Variants in PRRG4 observed in about 807,000 individuals in gnomAD.
The protein encoded by PRRG4 is proline rich and Gla domain 4, also known as transmembrane gamma-carboxyglutamic acid protein 4.
A neutral mutation model predicts 20.0 loss-of-function variants in PRRG4; 12 were observed. The ratio of observed to expected loss-of-function variants is 0.60; its 90% CI spans 0.38 to 0.97. The LOEUF is 0.97. Among genes scored for constraint, PRRG4 ranks in the 50% least tolerant of loss-of-function variants. The probability of loss-of-function intolerance (pLI) is 0.00; values close to 1 mark genes in which losing one functional copy is unlikely to be tolerated. For missense variants in PRRG4, 199 were observed against 265.1 expected (o/e 0.75, Z 1.73); for synonymous variants, 94 against 96.4 (o/e 0.98, Z 0.15).
At chr11:32,832,621 C>T (rs1407651331) in intron 2 of PRRG4, among the ~76,000 whole-genome samples, 1 of 151,706 alleles carries the variant, frequency 6.6e-6, no homozygotes, top group East Asian at 1.9e-4. Flanking sequence ...GCTGGGATTA[C>T]AGGTGCGCAC....
At chr11:32,850,287 AC>A (rs1851170274) in intron 5 of PRRG4, among the ~76,000 whole-genome samples, 1 of 151,798 alleles carries the variant, frequency 6.6e-6, no homozygotes. Context: ...TTCACCTTTT[AC>A]CTTTTTTTTC....
intron 1 of PRRG4, 59 bp downstream of exon 1, chr11:32,830,232 C>A: frequency 9.4e-7 from 1 of 1,067,806 alleles, no homozygotes; most frequent in Non-Finnish European, 1.2e-6. Context: ...GGGGCCACCT[C>A]GGCGGACTGG....
upstream of PRRG4, chr11:32,829,825 C>A: frequency 5.1e-6 from 5 of 985,404 alleles, no homozygotes; most frequent in Non-Finnish European, 6.0e-6. Flanking sequence ...CGCGGGCTCC[C>A]GGGAGACGCC....
At position 32,830,618 on chromosome 11, in the gene PRRG4, A is replaced by T. The variant is rs773001062; in HGVS notation, c.89A>T (p.His30Leu). Reference protein sequence around the residue: ...HCARGPKASKHAGEEVFTSKE... With the variant: ...HCARGPKASKLAGEEVFTSKE... Reference sequence around the variant, plus strand: ...GCAAGAGGTCCAAAGGCTTCTAAGCATGCGGGAGAAGAAGGTAAGCACTAA... The same window carrying T: ...GCAAGAGGTCCAAAGGCTTCTAAGCTTGCGGGAGAAGAAGGTAAGCACTAA... The change falls in exon 2 of 6, where the codon CAT becomes CTT. Residue 30 changes from histidine (H) to leucine (L), a missense_variant. Coordinates refer to ENST00000257836, the MANE Select transcript of PRRG4 (RefSeq NM_024081.6). 1.9e-6 allele frequency: 3 copies of T among 1,613,834 alleles called. No individual in the cohort carries two copies. Among genetic ancestry groups the T allele is most frequent in the Non-Finnish European group, 2.5e-6 (3 of 1,179,970 alleles).
chr11:32,845,296 A>C (rs555964129), intron 5 of PRRG4, among the ~76,000 whole-genome samples: 21 of 152,272 alleles, frequency 1.4e-4, no homozygotes, highest in Middle Eastern at 3.4e-3. Flanking sequence ...AGGCAACTAC[A>C]TAACAAAAAA....
At chr11:32,845,988 C>T (rs983931378) in intron 5 of PRRG4, among the ~76,000 whole-genome samples, 5 of 151,958 alleles carry the variant, frequency 3.3e-5, no homozygotes, top group African/African-American at 1.2e-4. Context: ...AACCCCATCT[C>T]TACTAAAAAT....
Position 32,856,377 on chromosome 11 carries a change from G to A in PRRG4, c.*2850G>A, listed in dbSNP as rs898703437. 4 of 152,284 alleles carry A rather than the reference G, an allele frequency of 2.6e-5. No homozygotes were observed. Among genetic ancestry groups the A allele is most frequent in the Middle Eastern group, 3.4e-3 (1 of 294 alleles). 9.4% of individuals were successfully genotyped at this position (152,284 alleles called of 1,614,324 possible). On this transcript the variant is annotated 3_prime_UTR_variant, in exon 6 of 6. Transcript: ENST00000257836. ...TTGTGATATTTATAGAGCATCCAATGTGGAGATCATGATACTTTAAATATA... is the reference window on the plus strand; with the variant it reads ...TTGTGATATTTATAGAGCATCCAATATGGAGATCATGATACTTTAAATATA...
chr11:32,844,728 T>C (rs1024316357), intron 5 of PRRG4, among the ~76,000 whole-genome samples: 7 of 152,222 alleles, frequency 4.6e-5, no homozygotes, highest in Admixed American at 3.3e-4. Context: ...CTTGAACTCC[T>C]GACCTCAAGT....
At chr11:32,843,824 A>G (rs1239694422) in intron 5 of PRRG4, among the ~76,000 whole-genome samples, 1 of 151,370 alleles carries the variant, frequency 6.6e-6, no homozygotes, top group Non-Finnish European at 1.5e-5. Context: ...AGCAACCACT[A>G]TTTTACCTTT....
intron 5 of PRRG4, among the ~76,000 whole-genome samples, chr11:32,844,267 C>T (rs1056504409): frequency 3.9e-5 from 6 of 152,202 alleles, no homozygotes; most frequent in African/African-American, 1.4e-4. Flanking sequence ...ATCTGAGCCA[C>T]CACACTACAT....
intron 3 of PRRG4, among the ~76,000 whole-genome samples, chr11:32,837,541 GATTATT>G (rs35934196): frequency 0.085 from 8,064 of 95,234 alleles, 282 homozygotes; most frequent in Middle Eastern, 0.1. Flanking sequence ...TGATGATGAT[GATTATT>G]ATTATTATTA....
intron 2 of PRRG4, among the ~76,000 whole-genome samples, chr11:32,833,381 C>G (rs1306053601): frequency 6.6e-6 from 1 of 152,110 alleles, no homozygotes; most frequent in Non-Finnish European, 1.5e-5. Context: ...ATCAAAGTAG[C>G]TTTTGAGTTC....
At position 32,857,911 on chromosome 11, in the gene PRRG4, T is replaced by TC. The variant is rs1165653762; in HGVS notation, c.*4386dup. The TC allele has an allele frequency of 6.6e-6, 1 of 152,170 alleles. No homozygotes were observed. The allele number at this position is 152,170 out of a possible 1,614,324, so 9.4% of individuals were successfully genotyped here. On this transcript the variant is annotated 3_prime_UTR_variant, in exon 6 of 6. Transcript: ENST00000257836. ...TCTATATTTTGTGTCTCCTCCAACC[T>TC]CCAACTTTTTTTGTTTTTTGAAAAA...
At chr11:32,838,500 T>C (rs1000909202) in intron 3 of PRRG4, among the ~76,000 whole-genome samples, 1 of 151,938 alleles carries the variant, frequency 6.6e-6, no homozygotes, top group Non-Finnish European at 1.5e-5. Flanking sequence ...TTACCTCCCA[T>C]AGAAAACTTC....
At chr11:32,852,202 A>T (rs1851189052) in intron 5 of PRRG4, among the ~76,000 whole-genome samples, 1 of 152,228 alleles carries the variant, frequency 6.6e-6, no homozygotes, top group South Asian at 2.1e-4. Context: ...AAGGGCTGAG[A>T]ACTTACTGCC....
rs1427098868 is a variant in PRRG4 at position 32,836,736 on chromosome 11, C to T, written c.182C>T (p.Thr61Ile). The change falls in exon 3 of 6, where the codon ACT (threonine) becomes ATT (isoleucine). Residue 61 changes from threonine to isoleucine, a missense_variant. Coordinates refer to ENST00000257836, the MANE Select transcript of PRRG4 (RefSeq NM_024081.6). ...LYNRFDLELFTPGNLERECNE... is the reference protein window; with the variant it reads ...LYNRFDLELFIPGNLERECNE... Reference sequence around the variant, plus strand: ...AATAGATTTGATCTGGAGCTCTTCACTCCCGGCAACCTAGAAAGAGAGTGC... The same window carrying T: ...AATAGATTTGATCTGGAGCTCTTCATTCCCGGCAACCTAGAAAGAGAGTGC... The T allele has an allele frequency of 1.9e-6, 3 of 1,612,712 alleles. No individual in the cohort carries two copies. The highest frequency in any genetic ancestry group is 2.5e-6 in the Non-Finnish European group (3 of 1,178,972).
At position 32,853,500 on chromosome 11, in the gene PRRG4, A is replaced by G; in HGVS notation, c.654A>G (p.Lys218=). The change falls in exon 6 of 6, where the codon AAA becomes AAG. Residue 218 remains lysine, a synonymous_variant. Transcript: ENST00000257836. ...PGHTKGFRVF[K]KSMSLPSH ...ACACAAAAGGATTTAGGGTATTTAA[A>G]AAATCTATGTCTCTCCCATCTCACT... The G allele has an allele frequency of 6.2e-7, 1 of 1,613,814 alleles. No homozygotes were observed. Among genetic ancestry groups the G allele is most frequent in the Non-Finnish European group, 8.5e-7 (1 of 1,179,882 alleles).
chr11:32,840,253 G>T lies in PRRG4; in HGVS notation c.449+14G>T. ...ACAACATCCATGGTAAGTACTAAGT[G>T]AAATTATTTAATTCATCACTAGACA... On this transcript the variant is annotated intron_variant, in intron 5 of 5. Transcript: ENST00000257836. This position sits in a 1 kb window ranked among gnomAD's most constrained non-coding sequence, Gnocchi z 4.1. The T allele has an allele frequency of 6.4e-7, 1 of 1,551,300 alleles. No homozygotes were observed. Among genetic ancestry groups the T allele is most frequent in the South Asian group, 1.2e-5 (1 of 86,230 alleles).
intron 3 of PRRG4, among the ~76,000 whole-genome samples, chr11:32,837,572 ATTATTATT>A (rs1266379001): frequency 6.9e-6 from 1 of 144,608 alleles, no homozygotes; most frequent in Admixed American, 6.9e-5. Flanking sequence ...TATTATTATT[ATTATTATT>A]ATCTGGAGAC....
Sources: gnomAD v4.1 joint callset for allele counts (sites outside exome capture counted in the v4.1 genomes callset) on GRCh38, gnomAD v4.1.1 for gene constraint, Gnocchi (gnomAD v3.1) non-coding constraint, MANE v1.5 for transcripts, NCBI Gene and HGNC (gene_info 2026-07-23, HGNC 2026-07-21) for gene names.